Variants in FAM20A observed in about 807,000 individuals in gnomAD.
The protein encoded by FAM20A is FAM20A golgi associated secretory pathway pseudokinase.
A neutral mutation model predicts 52.0 loss-of-function variants in FAM20A; 42 were observed. The ratio of observed to expected loss-of-function variants is 0.81; its 90% confidence interval spans 0.63 to 1.04. The LOEUF is 1.04. Among genes scored for constraint, FAM20A ranks in the 50% least tolerant of loss-of-function variants. The pLI is 0.00. For missense variants in FAM20A, 742 were observed against 712.7 expected, an observed-to-expected ratio of 1.04 and a Z score of -0.47; for synonymous variants, 304 against 298.9, an observed-to-expected ratio of 1.02 and a Z score of -0.18.
intron 1 of FAM20A, among the ~76,000 whole-genome samples, chr17:68,568,012 C>T (rs1362145542): frequency 6.6e-6 from 1 of 151,942 alleles, no homozygotes; most frequent in African/African-American, 2.4e-5. Flanking sequence ...TTCTACATTA[C>T]TCAGCCTTGG....
intron 7 of FAM20A, chr17:68,541,270 C>T: frequency 2.6e-6 from 1 of 391,568 alleles, no homozygotes; most frequent in Non-Finnish European, 4.9e-6. Flanking sequence ...CCTCGTCCCT[C>T]CACAGTCCCT....
chr17:68,559,097 T>A (rs2087138528), intron 1 of FAM20A, among the ~76,000 whole-genome samples: 1 of 152,198 alleles, frequency 6.6e-6, no homozygotes, highest in Non-Finnish European at 1.5e-5. Context: ...CCTGAAACAT[T>A]ATCCCAGACT....
chr17:68,538,719 A>G (rs984248952), intron 10 of FAM20A, among the ~76,000 whole-genome samples: 1 of 152,248 alleles, frequency 6.6e-6, no homozygotes, highest in African/African-American at 2.4e-5. Context: ...CTGATTAGTA[A>G]TATCAAAACC....
At chr17:68,549,632 G>A (rs1265391090) in intron 4 of FAM20A, among the ~76,000 whole-genome samples, 1 of 152,142 alleles carries the variant, frequency 6.6e-6, no homozygotes, top group Non-Finnish European at 1.5e-5. Flanking sequence ...AACATCTCCT[G>A]TTTCTCTATC....
Position 68,536,799 on chromosome 17 carries a change from T to C in FAM20A, c.*678A>G. On this transcript the variant is annotated 3_prime_UTR_variant, in exon 11 of 11. Coordinates refer to ENST00000592554, the MANE Select transcript of FAM20A (RefSeq NM_017565.4). ...GCTGCTTAGTGTGACATATTTGATG[T>C]TATTTCAATTGTAATACTCTTCAAA... 1 of 454,114 alleles carries C rather than the reference T, an allele frequency of 2.2e-6. No individual in the cohort carries two copies. Among genetic ancestry groups the C allele is most frequent in the South Asian group, 1.6e-5 (1 of 64,482 alleles). The allele number at this position is 454,114 out of a possible 1,614,324, so 28.1% of individuals were successfully genotyped here.
intron 3 of FAM20A, 124 bp from the exon 4 acceptor site, chr17:68,552,075 G>C: frequency 1.4e-6 from 1 of 698,216 alleles, no homozygotes; most frequent in Non-Finnish European, 2.6e-6. Flanking sequence ...CTAAAGACTA[G>C]GATGTGCTCT....
At chr17:68,538,655 G>A (rs1220878235) in intron 10 of FAM20A, among the ~76,000 whole-genome samples, 1 of 152,210 alleles carries the variant, frequency 6.6e-6, no homozygotes, top group African/African-American at 2.4e-5. Context: ...TGCTTAGATG[G>A]TGATCAAGTA....
intron 1 of FAM20A, among the ~76,000 whole-genome samples, chr17:68,561,645 T>C (rs2087218171): frequency 6.6e-6 from 1 of 151,604 alleles, no homozygotes; most frequent in Non-Finnish European, 1.5e-5. Context: ...CTTGTATACT[T>C]ATCCACATGA....
intron 1 of FAM20A, among the ~76,000 whole-genome samples, chr17:68,594,980 G>A (rs117487979): frequency 0.022 from 3,407 of 152,320 alleles, 68 homozygotes; most frequent in Non-Finnish European, 0.032. Context: ...GAACAACTAG[G>A]AGAGGTGTGT....
intron 1 of FAM20A, among the ~76,000 whole-genome samples, chr17:68,594,418 AGTATT>A (rs2088397963): frequency 6.6e-6 from 1 of 151,682 alleles, no homozygotes; most frequent in Non-Finnish European, 1.5e-5. Context: ...AAAACAAAAC[AGTATT>A]GTATTTGTCT....
Position 68,539,399 on chromosome 17 carries a change from A to G in FAM20A, c.1302-3T>C. 2 of 1,614,150 alleles carry G rather than the reference A, an allele frequency of 1.2e-6. No homozygotes were observed. The highest frequency in any genetic ancestry group is 1.7e-6 in the Non-Finnish European group (2 of 1,179,984). ...CATCATGGGAGTGTCGTCCGAACCT[A>G]GGAGGAGAAACAGGCTTTTATGGGT... On this transcript the variant is annotated splice_polypyrimidine_tract_variant and splice_region_variant and intron_variant, in intron 9 of 10. Transcript: ENST00000592554.
At chr17:68,571,979 T>C (rs1568761925) in intron 1 of FAM20A, among the ~76,000 whole-genome samples, 3 of 60,700 alleles carry the variant, frequency 4.9e-5, no homozygotes, top group African/African-American at 6.7e-5. Flanking sequence ...TGTGTGTGTA[T>C]ATACATACAT....
intron 9 of FAM20A, 88 bp downstream of exon 9, chr17:68,539,797 G>A (rs907375258): frequency 7.9e-7 from 1 of 1,266,110 alleles, no homozygotes; most frequent in Non-Finnish European, 1.1e-6. Flanking sequence ...GCCCTCATTT[G>A]CAGGGCGTCT....
chr17:68,553,757 CAT>C (rs1420790921), intron 3 of FAM20A, among the ~76,000 whole-genome samples: 1 of 144,746 alleles, frequency 6.9e-6, no homozygotes, highest in Non-Finnish European at 1.5e-5. Flanking sequence ...CATATATATA[CAT>C]ATATATACAT....
chr17:68,557,281 G>T (rs964053140), intron 1 of FAM20A, among the ~76,000 whole-genome samples: 2 of 152,094 alleles, frequency 1.3e-5, no homozygotes, highest in African/African-American at 4.8e-5. Context: ...ACAGGGATTT[G>T]AATCCATTTG....
rs1360981530 is a variant in FAM20A, at chr17:68,540,954, C to T, written c.1114G>A (p.Glu372Lys). ...SYTLAGKEEW[E>K]VNPLYCDTVK... ...GTGTCACAGTAAAGGGGATTGACCT[C>T]CCACCTGAGGGGGAGAAGAAGTCCT... Residue 372 changes from glutamate to lysine, a missense_variant, in exon 8 of 11, where the codon GAG becomes AAG. Transcript: ENST00000592554. 2 of 1,586,012 alleles carry T rather than the reference C, an allele frequency of 1.3e-6. No homozygotes were observed. Among genetic ancestry groups the T allele is most frequent in the South Asian group, 2.3e-5 (2 of 87,582 alleles).
In FAM20A at chr17:68,552,742, C is replaced by T. The variant is rs796443638; in HGVS notation, c.641-791G>A. ...CAGGCCGGACTGCGGACTGCAGTGG[C>T]GCAATCTCGGCTCACTGCAAGCTCC... On this transcript the variant is annotated intron_variant, in intron 3 of 10. Transcript: ENST00000592554. Among the ~76,000 whole-genome samples, 75 of 89,088 alleles carry T rather than the reference C, an allele frequency of 8.4e-4. 2 individuals are homozygous for T. The highest frequency in any genetic ancestry group is 2.9e-3 in the African/African-American group (71 of 24,480). 58.4% of individuals were successfully genotyped at this position (89,088 alleles called of 152,430 possible).
At chr17:68,555,767 A>G (rs2087034680) in intron 1 of FAM20A, 24 bp from the exon 2 acceptor site, 2 of 1,613,308 alleles carry the variant, frequency 1.2e-6, no homozygotes, top group Non-Finnish European at 1.7e-6. Flanking sequence ...ATAGTTGTTC[A>G]TTAGAGGAAC....
intron 1 of FAM20A, among the ~76,000 whole-genome samples, chr17:68,595,963 T>C (rs2088440076): frequency 6.6e-6 from 1 of 152,176 alleles, no homozygotes; most frequent in South Asian, 2.1e-4. Context: ...TTCCTTTTCA[T>C]CTCTCCTGAC....
Sources: allele counts gnomAD v4.1 joint callset (sites outside exome capture counted in the v4.1 genomes callset), GRCh38; gene constraint gnomAD v4.1.1; transcripts MANE v1.5; gene names NCBI Gene and HGNC (gene_info 2026-07-23, HGNC 2026-07-21).